Variants in GRIP1 observed in about 807,000 individuals in gnomAD.
GRIP1 encodes glutamate receptor-interacting protein 1.
Under a neutral mutation model 129.9 loss-of-function variants are expected in GRIP1, and 45 were observed. The observed-to-expected ratio is 0.35, with a 90% CI of 0.27 to 0.44. The LOEUF (loss-of-function observed/expected upper bound fraction) is 0.44. Among genes scored for constraint, GRIP1 ranks in the 20% least tolerant of loss-of-function variants. GRIP1 has a pLI of 1.00. For missense variants in GRIP1, 1,196 were observed against 1,396.8 expected (o/e 0.86, Z 2.29); for synonymous variants, 530 against 520.8 (o/e 1.02, Z -0.24).
chr12:66,785,307 CATACAT>C (rs2038287258), intron 1 of GRIP1, among the ~76,000 whole-genome samples: 1 of 58,904 alleles, frequency 1.7e-5, no homozygotes, highest in African/African-American at 6.0e-5. Context: ...AAGAATTTAA[CATACAT>C]ACATACATAC....
intron 15 of GRIP1, among the ~76,000 whole-genome samples, chr12:66,412,125 A>G (rs1000708256): frequency 6.6e-6 from 1 of 152,236 alleles, no homozygotes; most frequent in African/African-American, 2.4e-5. Flanking sequence ...TAGGAAATCC[A>G]GAGAACCTCA....
chr12:66,469,774 CA>C (rs2059386690), intron 7 of GRIP1, among the ~76,000 whole-genome samples: 1 of 152,186 alleles, frequency 6.6e-6, no homozygotes, highest in Non-Finnish European at 1.5e-5. Flanking sequence ...TTACCTCAGT[CA>C]CTCTTAAATC....
intron 1 of GRIP1, among the ~76,000 whole-genome samples, chr12:66,967,343 A>G (rs538078432): frequency 5.3e-5 from 8 of 152,252 alleles, no homozygotes; most frequent in Non-Finnish European, 1.0e-4. Context: ...GCAACATGTT[A>G]TTGTTAACTC....
intron 16 of GRIP1, among the ~76,000 whole-genome samples, chr12:66,395,404 A>G (rs1039544336): frequency 1.3e-5 from 2 of 152,218 alleles, no homozygotes; most frequent in Non-Finnish European, 2.9e-5. Flanking sequence ...ACTACATCCT[A>G]GTGAAGCATT....
At chr12:66,987,526 T>C (rs1264048110) in intron 1 of GRIP1, among the ~76,000 whole-genome samples, 2 of 152,126 alleles carry the variant, frequency 1.3e-5, no homozygotes, top group Non-Finnish European at 2.9e-5. Flanking sequence ...CAGAGTAGTG[T>C]CTCCCCTTAC....
chr12:66,634,607 C>A (rs1185238047), intron 1 of GRIP1, among the ~76,000 whole-genome samples: 1 of 152,206 alleles, frequency 6.6e-6, no homozygotes, highest in African/African-American at 2.4e-5. Context: ...TTAAATTGAT[C>A]ATATATTCTT....
chr12:66,852,974 G>A (rs1057237076), intron 1 of GRIP1, among the ~76,000 whole-genome samples: 1 of 151,816 alleles, frequency 6.6e-6, no homozygotes, highest in East Asian at 1.9e-4. Context: ...GCAAGCATAA[G>A]AGTAAGTAAA....
At chr12:67,015,927 A>T (rs879943440) in intron 1 of GRIP1, among the ~76,000 whole-genome samples, 4 of 152,224 alleles carry the variant, frequency 2.6e-5, no homozygotes, top group Admixed American at 6.5e-5. Flanking sequence ...GACAAGTCCT[A>T]GCTTTGGCCC....
At chr12:66,724,775 G>A (rs748852129) in intron 1 of GRIP1, among the ~76,000 whole-genome samples, 26 of 152,064 alleles carry the variant, frequency 1.7e-4, no homozygotes, top group Non-Finnish European at 1.5e-5. Flanking sequence ...AAAAACCCAG[G>A]GAGTTCAGAG....
At chr12:66,908,516 G>C (rs1472054936) in intron 1 of GRIP1, among the ~76,000 whole-genome samples, 1 of 152,160 alleles carries the variant, frequency 6.6e-6, no homozygotes, top group Non-Finnish European at 1.5e-5. Flanking sequence ...TTTCAGAATG[G>C]TAATGGGGTA....
intron 1 of GRIP1, among the ~76,000 whole-genome samples, chr12:66,822,845 G>A (rs1307769617): frequency 6.6e-6 from 1 of 152,122 alleles, no homozygotes; most frequent in East Asian, 1.9e-4. Flanking sequence ...AGGAGAAAGG[G>A]AAAGGAGCAA....
intron 1 of GRIP1, among the ~76,000 whole-genome samples, chr12:66,719,444 A>G (rs1389655800): frequency 6.6e-6 from 1 of 152,188 alleles, no homozygotes; most frequent in Non-Finnish European, 1.5e-5. Context: ...GACTTCTAAG[A>G]GCCAACTAAT....
chr12:66,595,774 T>C (rs2064025570), intron 2 of GRIP1, among the ~76,000 whole-genome samples: 1 of 152,212 alleles, frequency 6.6e-6, no homozygotes, highest in East Asian at 1.9e-4. Flanking sequence ...TCATAATATG[T>C]GTCTTCATAA....
intron 1 of GRIP1, among the ~76,000 whole-genome samples, chr12:66,990,871 G>A (rs2042383245): frequency 6.6e-6 from 1 of 151,856 alleles, no homozygotes; most frequent in Admixed American, 6.6e-5. Context: ...GCACATGCCT[G>A]TAATCCCAGC....
chr12:66,649,868 T>A (rs948608849), intron 1 of GRIP1, among the ~76,000 whole-genome samples: 2 of 152,214 alleles, frequency 1.3e-5, no homozygotes, highest in Non-Finnish European at 2.9e-5. Flanking sequence ...TTGGGCTCCT[T>A]TCCTTCTGTG....
At chr12:66,700,485 G>A (rs2035313656) in intron 1 of GRIP1, among the ~76,000 whole-genome samples, 2 of 151,506 alleles carry the variant, frequency 1.3e-5, no homozygotes, top group South Asian at 4.2e-4. Flanking sequence ...TGCCCAGGCT[G>A]GAGTGCAGTG....
At chr12:66,744,110 T>C (rs2036872608) in intron 1 of GRIP1, among the ~76,000 whole-genome samples, 1 of 152,154 alleles carries the variant, frequency 6.6e-6, no homozygotes, top group African/African-American at 2.4e-5. Flanking sequence ...GTGCTGCCAG[T>C]GGAAAGTTAC....
chr12:66,570,129 A>ATG (rs1441190155), intron 2 of GRIP1, among the ~76,000 whole-genome samples: 2 of 151,612 alleles, frequency 1.3e-5, no homozygotes, highest in African/African-American at 4.8e-5. Context: ...GTATGTATGT[A>ATG]TATATTAGAG....
At chr12:67,041,513 T>G (rs938531301) in intron 1 of GRIP1, among the ~76,000 whole-genome samples, 1 of 152,116 alleles carries the variant, frequency 6.6e-6, no homozygotes, top group Non-Finnish European at 1.5e-5. Context: ...GAACTTGGTT[T>G]CCTCTAATTT....
Sources: gnomAD v4.1 joint callset for allele counts (sites outside exome capture counted in the v4.1 genomes callset) on GRCh38, gnomAD v4.1.1 for gene constraint, MANE v1.5 for transcripts, NCBI Gene and HGNC (gene_info 2026-07-23, HGNC 2026-07-21) for gene names.